Variants in TYR observed in about 807,000 individuals in gnomAD.
TYR encodes tyrosinase, also known as LB24-AB.
In TYR, 58 loss-of-function variants were observed where a neutral mutation model predicts 51.5. That is an observed-to-expected ratio of 1.13 (90% CI 0.91 to 1.40). TYR has a LOEUF of 1.40. TYR is among the 40% of genes most tolerant of loss of function. The pLI is 0.00. For missense variants in TYR, 732 were observed against 647.4 expected (o/e 1.13, Z -1.42); for synonymous variants, 263 against 235.2 (o/e 1.12, Z -1.08).
Position 89,178,480 on chromosome 11 carries a change from TTGTCTGGATGCATTATTATG to T in TYR, c.532_551del (p.Trp178AsnfsTer9). On this transcript the variant is annotated frameshift_variant, in exon 1 of 5. Coordinates refer to ENST00000263321, the MANE Select transcript of TYR (RefSeq NM_000372.5). LOFTEE classifies it high-confidence loss of function. ...AACGACATCAATATTTATGACCTCT[TTGTCTGGATGCATTATTATG>T]TGTCAATGGATGCACTGCTTGGGGG... The T allele has an allele frequency of 6.2e-7, 1 of 1,614,180 alleles. No individual in the cohort carries two copies. The highest frequency in any genetic ancestry group is 1.1e-5 in the South Asian group (1 of 91,082).
chr11:89,261,841 A>G (rs1944459889), intron 3 of TYR, among the ~76,000 whole-genome samples: 1 of 152,120 alleles, frequency 6.6e-6, no homozygotes, highest in African/African-American at 2.4e-5. Context: ...TTGAAATCAT[A>G]CAAGGTATAT....
At chr11:89,238,742 T>A (rs1944154460) in intron 3 of TYR, among the ~76,000 whole-genome samples, 1 of 152,174 alleles carries the variant, frequency 6.6e-6, no homozygotes, top group Admixed American at 6.6e-5. Flanking sequence ...ATGCAAACTT[T>A]ATTGTATTGA....
At chr11:89,204,109 G>A (rs1943638281) in intron 2 of TYR, among the ~76,000 whole-genome samples, 1 of 152,140 alleles carries the variant, frequency 6.6e-6, no homozygotes, top group African/African-American at 2.4e-5. Flanking sequence ...GTAAAAAGAG[G>A]AATCCTTTCT....
At chr11:89,220,597 T>A (rs1471435151) in intron 2 of TYR, among the ~76,000 whole-genome samples, 1 of 151,998 alleles carries the variant, frequency 6.6e-6, no homozygotes. Flanking sequence ...CTTTACAGAG[T>A]TACTACGAAG....
At chr11:89,222,495 T>C (rs903692178) in intron 2 of TYR, among the ~76,000 whole-genome samples, 3 of 152,170 alleles carry the variant, frequency 2.0e-5, no homozygotes, top group Non-Finnish European at 4.4e-5. Flanking sequence ...TCCCAGCACT[T>C]TGGGAGGCCA....
At chr11:89,207,874 T>A (rs990816566) in intron 2 of TYR, among the ~76,000 whole-genome samples, 1 of 152,206 alleles carries the variant, frequency 6.6e-6, no homozygotes, top group Non-Finnish European at 1.5e-5. Context: ...TACATAATAT[T>A]TTTTCAAGGT....
rs114412136 is a variant in TYR, at chr11:89,257,776, T to A, written c.1185-26997T>A. 7.7e-3 allele frequency among the ~76,000 whole-genome samples: 1,169 copies of A among 152,154 alleles called. 11 individuals carry two copies. Among genetic ancestry groups the A allele is most frequent in the African/African-American group, 0.026 (1,072 of 41,556 alleles). ...AGCATTTCAGCTGGCCAACGCTCTC[T>A]ACCTATCAAATGACTCAAACTTTCT... On this transcript the variant is annotated intron_variant, in intron 3 of 4. Transcript: ENST00000263321.
intron 1 of TYR, among the ~76,000 whole-genome samples, chr11:89,183,270 G>A (rs1044731520): frequency 4.0e-5 from 6 of 151,246 alleles, no homozygotes; most frequent in Admixed American, 6.6e-5. Context: ...ACACTTGATC[G>A]TCCCCCCAGC....
Position 89,293,336 on chromosome 11 carries a change from TACACACACACAC to T in TYR, c.1367-1783_1367-1772del, listed in dbSNP as rs59899373. 9.5e-5 allele frequency among the ~76,000 whole-genome samples: 14 copies of T among 147,728 alleles called. No individual in the cohort carries two copies. In the South Asian group the frequency reaches 2.2e-3, roughly 23 times the overall value. ...GCCATTTATGTACACATTTTATGCA[TACACACACACAC>T]ACACACACACACACACACACACAAC... On this transcript the variant is annotated intron_variant, in intron 4 of 4. Transcript: ENST00000263321.
intron 4 of TYR, among the ~76,000 whole-genome samples, chr11:89,291,324 G>A (rs1242484285): frequency 1.3e-5 from 2 of 151,838 alleles, no homozygotes; most frequent in Non-Finnish European, 2.9e-5. Flanking sequence ...TTGATGTATA[G>A]GGAAGTTTAA....
At chr11:89,230,747 A>AGAAATG (rs1944035626) in intron 3 of TYR, among the ~76,000 whole-genome samples, 4 of 152,124 alleles carry the variant, frequency 2.6e-5, no homozygotes, top group Admixed American at 2.0e-4. Context: ...TCAAAAGAAG[A>AGAAATG]TATGCAAACG....
At chr11:89,201,813 A>AC (rs1943602059) in intron 2 of TYR, among the ~76,000 whole-genome samples, 2 of 152,348 alleles carry the variant, frequency 1.3e-5, no homozygotes, top group African/African-American at 4.8e-5. Context: ...CATTTTGTTA[A>AC]GCAATAAAAT....
intron 3 of TYR, among the ~76,000 whole-genome samples, chr11:89,259,009 C>A (rs1391139342): frequency 6.6e-6 from 1 of 152,050 alleles, no homozygotes; most frequent in African/African-American, 2.4e-5. Flanking sequence ...ATCCTTGCTG[C>A]ACGAATCAGT....
intron 3 of TYR, among the ~76,000 whole-genome samples, chr11:89,258,183 T>C (rs1944417128): frequency 6.6e-6 from 1 of 152,046 alleles, no homozygotes; most frequent in African/African-American, 2.4e-5. Flanking sequence ...ATGGATTCTA[T>C]CTGAACACAG....
At chr11:89,291,701 T>C (rs1258207835) in intron 4 of TYR, among the ~76,000 whole-genome samples, 2 of 152,034 alleles carry the variant, frequency 1.3e-5, no homozygotes, top group East Asian at 1.9e-4. Flanking sequence ...GCAAGTCTTA[T>C]AACAAAATGT....
At chr11:89,234,038 A>C (rs556415567) in intron 3 of TYR, among the ~76,000 whole-genome samples, 5 of 143,690 alleles carry the variant, frequency 3.5e-5, no homozygotes, top group Non-Finnish European at 6.0e-5. Flanking sequence ...ATATTCTTCT[A>C]ATAGAAGGCT....
intron 3 of TYR, among the ~76,000 whole-genome samples, chr11:89,263,483 C>T (rs1944487037): frequency 1.3e-5 from 2 of 152,078 alleles, no homozygotes; most frequent in South Asian, 4.1e-4. Context: ...TAGACTACTT[C>T]TGTTTCACAT....
chr11:89,261,865 TG>T (rs1279573026), intron 3 of TYR, among the ~76,000 whole-genome samples: 1 of 150,904 alleles, frequency 6.6e-6, no homozygotes, highest in African/African-American at 2.4e-5. Flanking sequence ...CCAACCACAA[TG>T]GAAAAAAAAT....
At chr11:89,225,317 T>C (rs1369594269) in intron 2 of TYR, among the ~76,000 whole-genome samples, 1 of 151,930 alleles carries the variant, frequency 6.6e-6, no homozygotes, top group Non-Finnish European at 1.5e-5. Flanking sequence ...AATTTTCAAG[T>C]ATACCATACA....
Sources: allele counts gnomAD v4.1 joint callset (sites outside exome capture counted in the v4.1 genomes callset), GRCh38; gene constraint gnomAD v4.1.1; transcripts MANE v1.5; gene names NCBI Gene and HGNC (gene_info 2026-07-23, HGNC 2026-07-21).